The following USP4 variants were observed in gnomAD, a reference collection of about 807,000 sequenced individuals.
USP4 encodes ubiquitin specific peptidase 4.
USP4 carries 72 observed loss-of-function variants against 118.2 expected under a neutral mutation model. That is an observed-to-expected ratio of 0.61 (90% CI 0.50 to 0.74). The LOEUF is 0.74. USP4 is among the 30% of genes least tolerant of loss of function. USP4 has a pLI of 0.00. For synonymous variants in USP4, 415 were observed against 440.4 expected (o/e 0.94, Z 0.72); for missense variants, 1,037 against 1,185.7 (o/e 0.87, Z 1.84).
intron 13 of USP4, among the ~76,000 whole-genome samples, chr3:49,294,952 C>A (rs185180945): frequency 1.3e-5 from 2 of 152,248 alleles, no homozygotes; most frequent in South Asian, 2.1e-4. Context: ...CTGGGTCCAG[C>A]CACCAAGTTC....
intron 12 of USP4, 46 bp downstream of exon 12, chr3:49,298,506 T>A (rs745820076): frequency 6.3e-7 from 1 of 1,586,878 alleles, no homozygotes; most frequent in Non-Finnish European, 8.7e-7. Context: ...CCAAATGCTA[T>A]GAAGTATCCC....
intron 2 of USP4, 147 bp from the exon 3 acceptor site, chr3:49,327,963 T>G: frequency 3.0e-6 from 2 of 672,958 alleles, no homozygotes; most frequent in Non-Finnish European, 4.9e-6. Flanking sequence ...CTGGTCATTA[T>G]ACAGAGCAGA....
At chr3:49,286,794 C>T (rs929063401) in intron 15 of USP4, among the ~76,000 whole-genome samples, 5 of 151,202 alleles carry the variant, frequency 3.3e-5, no homozygotes, top group African/African-American at 9.7e-5. Flanking sequence ...TCTATCCATC[C>T]GAGACAGTCT....
At chr3:49,287,626 C>T (rs1162816292) in intron 15 of USP4, among the ~76,000 whole-genome samples, 1 of 152,124 alleles carries the variant, frequency 6.6e-6, no homozygotes, top group Admixed American at 6.6e-5. Flanking sequence ...GCACGCACCA[C>T]CACGCCCAGC....
intron 6 of USP4, chr3:49,317,541 T>C: frequency 1.8e-6 from 1 of 563,174 alleles, no homozygotes; most frequent in South Asian, 2.1e-5. Context: ...TTTGTTTGTT[T>C]GTTTTTTTTT....
intron 6 of USP4, chr3:49,317,399 GCTCCT>G: frequency 3.9e-6 from 4 of 1,021,362 alleles, no homozygotes; most frequent in South Asian, 1.4e-5. Context: ...TTCTGGCATA[GCTCCT>G]CTATGCATTT....
intron 6 of USP4, among the ~76,000 whole-genome samples, chr3:49,314,621 C>G (rs2047417472): frequency 6.6e-6 from 1 of 152,208 alleles, no homozygotes; most frequent in African/African-American, 2.4e-5. Context: ...GGAGGTAAGA[C>G]AGAATACTGA....
intron 9 of USP4, among the ~76,000 whole-genome samples, chr3:49,304,420 TCTC>T (rs2047291861): frequency 1.3e-5 from 2 of 151,848 alleles, no homozygotes; most frequent in South Asian, 4.2e-4. Context: ...ATCCATGTCT[TCTC>T]CTTAAACCTT....
At chr3:49,317,708 G>GTTT (rs76005205) in intron 6 of USP4, among the ~76,000 whole-genome samples, 1 of 135,542 alleles carries the variant, frequency 7.4e-6, no homozygotes, top group East Asian at 2.1e-4. Context: ...TGCCCGTGGT[G>GTTT]TTTTTTTTTT....
In USP4 at chr3:49,294,515, G is replaced by A; in HGVS notation, c.1775C>T (p.Ser592Leu). 6.2e-7 allele frequency: 1 copy of A among 1,614,204 alleles called. No individual in the cohort carries two copies. Among genetic ancestry groups the A allele is most frequent in the African/African-American group, 1.3e-5 (1 of 75,062 alleles). ...VYFRERKSRP[S>L]STSSASALYG... is the part of the protein sequence containing the mutation. ...TAGCGCTGATGCGGAGGAAGTGCTT[G>A]ATGGCCTGGACTTCCTCTCCCTGAA... The change falls in exon 14 of 22, where the codon TCA becomes TTA. Residue 592 changes from serine (S) to leucine (L), a missense_variant. Physicochemically the swap from Ser to Leu is moderately radical, Grantham distance 145. Coordinates refer to ENST00000265560, the MANE Select transcript of USP4 (RefSeq NM_003363.4).
At chr3:49,289,585 T>C (rs1214088165) in intron 15 of USP4, among the ~76,000 whole-genome samples, 3 of 152,132 alleles carry the variant, frequency 2.0e-5, no homozygotes, top group Non-Finnish European at 4.4e-5. Context: ...AAGCCAAATA[T>C]TGAGGCCGGG....
intron 6 of USP4, among the ~76,000 whole-genome samples, chr3:49,316,146 G>A (rs2047432915): frequency 6.6e-6 from 1 of 151,964 alleles, no homozygotes; most frequent in South Asian, 2.1e-4. Context: ...AGGTTGCAGT[G>A]AGCCGAGATC....
At chr3:49,327,641 A>C (rs1575620617) in intron 3 of USP4, 45 bp downstream of exon 3, 1 of 1,609,964 alleles carries the variant, frequency 6.2e-7, no homozygotes. Flanking sequence ...AACAGAAAGC[A>C]CCTGCAGACA....
intron 6 of USP4, chr3:49,316,599 G>T (rs538413263): frequency 6.1e-6 from 1 of 162,968 alleles, no homozygotes; most frequent in Non-Finnish European, 1.3e-5. Context: ...AATTATAGGC[G>T]TAAGCCACCA....
chr3:49,298,470 A>C, intron 12 of USP4, 82 bp downstream of exon 12: 1 of 1,351,152 alleles, frequency 7.4e-7, no homozygotes, highest in Non-Finnish European at 1.1e-6. Flanking sequence ...AACCCCAAAA[A>C]GTGGCTTCAA....
rs2107768078 is a variant in USP4, at chr3:49,286,623, G to T, written c.1973-298C>A. Among the ~76,000 whole-genome samples the T allele has an allele frequency of 1.3e-5, 2 of 152,138 alleles. 1 individual carries two copies. The highest frequency in any genetic ancestry group is 6.8e-3 in the Middle Eastern group (2 of 294). ...GCCATCCTGTCTACTGGCCATCACA[G>T]CACATGGTCTCTCACTCTTGCAACT... On this transcript the variant is annotated intron_variant, in intron 15 of 21. Coordinates refer to ENST00000265560, the MANE Select transcript of USP4 (RefSeq NM_003363.4).
chr3:49,302,954 T>C (rs1457806390), intron 9 of USP4, among the ~76,000 whole-genome samples: 2 of 152,180 alleles, frequency 1.3e-5, no homozygotes, highest in African/African-American at 4.8e-5. Flanking sequence ...GGTCCCTAAA[T>C]ACTGTCTGTC....
chr3:49,315,348 T>C (rs1330905883), intron 6 of USP4, among the ~76,000 whole-genome samples: 1 of 152,092 alleles, frequency 6.6e-6, no homozygotes, highest in Non-Finnish European at 1.5e-5. Context: ...ACCCTATCTA[T>C]TAAAAAATAC....
intron 18 of USP4, 43 bp downstream of exon 18, chr3:49,284,423 G>A (rs2047072672): frequency 6.6e-7 from 1 of 1,515,708 alleles, no homozygotes; most frequent in Non-Finnish European, 9.1e-7. Context: ...TCTGAGTCCT[G>A]GGGTGCATGG....
Sources: gnomAD v4.1 joint callset for allele counts (sites outside exome capture counted in the v4.1 genomes callset) on GRCh38, gnomAD v4.1.1 for gene constraint, MANE v1.5 for transcripts, NCBI Gene and HGNC (gene_info 2026-07-23, HGNC 2026-07-21) for gene names.